Variants in ZSWIM5 observed in about 807,000 individuals in gnomAD.
The protein encoded by ZSWIM5 is zinc finger SWIM-type containing 5.
In ZSWIM5, 55 loss-of-function variants were observed where a neutral mutation model predicts 119.6. The ratio of observed to expected loss-of-function variants is 0.46; its 90% CI spans 0.37 to 0.58. The LOEUF is 0.58. Among genes scored for constraint, ZSWIM5 ranks in the 20% least tolerant of loss-of-function variants. The probability of loss-of-function intolerance (pLI) is 0.00; values close to 1 mark genes in which losing one functional copy is unlikely to be tolerated. For missense variants in ZSWIM5, 1,193 were observed against 1,512.8 expected (o/e 0.79, Z 3.51); for synonymous variants, 537 against 606.9 (o/e 0.88, Z 1.69).
chr1:45,045,182 G>A (rs952672053), intron 5 of ZSWIM5, among the ~76,000 whole-genome samples: 8 of 151,892 alleles, frequency 5.3e-5, no homozygotes, highest in African/African-American at 1.9e-4. Context: ...AAGATATCTT[G>A]CCACAAACCA....
intron 1 of ZSWIM5, among the ~76,000 whole-genome samples, chr1:45,183,260 G>A (rs1212627472): frequency 7.3e-5 from 11 of 149,898 alleles, no homozygotes; most frequent in Admixed American, 2.0e-4. Flanking sequence ...TGTGTAGAGG[G>A]AAATTTATAG....
intron 1 of ZSWIM5, among the ~76,000 whole-genome samples, chr1:45,180,502 A>G (rs1258960632): frequency 6.6e-6 from 1 of 152,176 alleles, no homozygotes; most frequent in South Asian, 2.1e-4. Context: ...CTCTGGGGGC[A>G]GGGCACAGAC....
chr1:45,148,883 C>G (rs187216930), intron 1 of ZSWIM5, among the ~76,000 whole-genome samples: 1 of 152,188 alleles, frequency 6.6e-6, no homozygotes, highest in Non-Finnish European at 1.5e-5. Context: ...AATATTCATA[C>G]TAATTTTTTT....
chr1:45,092,456 C>A (rs1003933322), intron 1 of ZSWIM5, among the ~76,000 whole-genome samples: 6 of 149,516 alleles, frequency 4.0e-5, no homozygotes, highest in African/African-American at 1.5e-4. Context: ...GCCAACACAC[C>A]TGGCTACTTT....
rs778278510 is a variant in ZSWIM5 at position 45,060,190 on chromosome 1, T to C, written c.1010A>G (p.Asp337Gly). 27 of 1,614,052 alleles carry C rather than the reference T, an allele frequency of 1.7e-5. No individual in the cohort carries two copies. Among genetic ancestry groups the C allele is most frequent in the Admixed American group, 8.3e-5 (5 of 60,002 alleles). The change falls in exon 3 of 14, where the codon GAT becomes GGT. Residue 337 changes from aspartate (D) to glycine (G), a missense_variant. Asp to Gly is a moderately conservative substitution (Grantham distance 94, BLOSUM62 -1). Coordinates refer to ENST00000359600, the MANE Select transcript of ZSWIM5 (RefSeq NM_020883.2). ...SIDDENCWHL[D>G]EEQVKEQVKL... ...CACTTGTTCTTTCACCTGTTCTTCA[T>C]CCAAATGCCAACAGTTCTCATCGTC...
chr1:45,180,249 C>A (rs563217259), intron 1 of ZSWIM5, among the ~76,000 whole-genome samples: 1 of 152,168 alleles, frequency 6.6e-6, no homozygotes, highest in African/African-American at 2.4e-5. Flanking sequence ...GCTTTTCCGA[C>A]GGGCTTAGGA....
chr1:45,119,356 T>C (rs531693875), intron 1 of ZSWIM5, among the ~76,000 whole-genome samples: 6 of 152,158 alleles, frequency 3.9e-5, no homozygotes, highest in Non-Finnish European at 7.3e-5. Flanking sequence ...GAAATAATTA[T>C]AAAATCCACC....
rs1417497355 is a variant in ZSWIM5, at chr1:45,070,460, G to A, written c.953-10213C>T. 3.7e-6 allele frequency: 4 copies of A among 1,094,872 alleles called. No individual in the cohort carries two copies. In the African/African-American group the frequency reaches 4.7e-5, roughly 13 times the overall value. 67.8% of individuals were successfully genotyped at this position (1,094,872 alleles called of 1,614,324 possible). On this transcript the variant is annotated intron_variant, in intron 2 of 13. Transcript: ENST00000359600. ...TGGCAGCAAGGGCTGTTCTCCATAG[G>A]AATTTTATGTTCCAACAATTCTATT...
At chr1:45,086,561 C>T (rs936157834) in intron 2 of ZSWIM5, among the ~76,000 whole-genome samples, 2 of 152,046 alleles carry the variant, frequency 1.3e-5, no homozygotes, top group East Asian at 1.9e-4. Flanking sequence ...CATGTTCTCA[C>T]TCATAGGTGG....
chr1:45,183,627 G>A (rs1396727875), intron 1 of ZSWIM5, among the ~76,000 whole-genome samples: 1 of 152,192 alleles, frequency 6.6e-6, no homozygotes, highest in East Asian at 1.9e-4. Context: ...ACACCTCTAT[G>A]CAAATAAACT....
chr1:45,032,604 G>A (rs1225449835), intron 11 of ZSWIM5, among the ~76,000 whole-genome samples: 1 of 151,230 alleles, frequency 6.6e-6, no homozygotes. Flanking sequence ...TCGTGCCACA[G>A]CCTCCTGAGT....
intron 1 of ZSWIM5, among the ~76,000 whole-genome samples, chr1:45,140,420 A>G (rs1022248275): frequency 2.0e-5 from 3 of 152,198 alleles, no homozygotes; most frequent in African/African-American, 7.2e-5. Flanking sequence ...ACACTCTCAA[A>G]TATGCACAAA....
chr1:45,157,109 AG>A (rs1375386578), intron 1 of ZSWIM5, among the ~76,000 whole-genome samples: 4 of 152,154 alleles, frequency 2.6e-5, no homozygotes, highest in African/African-American at 9.7e-5. Context: ...TGCCTATTTT[AG>A]AACTTCATAC....
chr1:45,117,168 G>C (rs1645563464), intron 1 of ZSWIM5, among the ~76,000 whole-genome samples: 1 of 152,190 alleles, frequency 6.6e-6, no homozygotes, highest in Non-Finnish European at 1.5e-5. Flanking sequence ...ACCCGAATCA[G>C]AAGGAGCAAG....
At chr1:45,184,179 C>A (rs1053978803) in intron 1 of ZSWIM5, among the ~76,000 whole-genome samples, 1 of 152,106 alleles carries the variant, frequency 6.6e-6, no homozygotes, top group Non-Finnish European at 1.5e-5. Context: ...GCAGAAAAGG[C>A]CTTTGACAAA....
chr1:45,154,393 G>A (rs1645814962), intron 1 of ZSWIM5, among the ~76,000 whole-genome samples: 1 of 152,094 alleles, frequency 6.6e-6, no homozygotes, highest in Non-Finnish European at 1.5e-5. Context: ...ATAAAAATAG[G>A]CACAAAGACT....
At chr1:45,092,232 CACTT>C (rs1645369998) in intron 1 of ZSWIM5, among the ~76,000 whole-genome samples, 2 of 152,262 alleles carry the variant, frequency 1.3e-5, no homozygotes, top group South Asian at 4.1e-4. Context: ...TGCATTAACA[CACTT>C]AATTGTCACA....
chr1:45,079,226 G>A (rs990290494), intron 2 of ZSWIM5, among the ~76,000 whole-genome samples: 3 of 149,696 alleles, frequency 2.0e-5, no homozygotes, highest in Admixed American at 6.7e-5. Context: ...CTTATAAAAC[G>A]GCCCCACCCC....
chr1:45,179,747 T>C (rs971989088), intron 1 of ZSWIM5, among the ~76,000 whole-genome samples: 5 of 152,164 alleles, frequency 3.3e-5, no homozygotes, highest in African/African-American at 1.2e-4. Flanking sequence ...TCACCAAATA[T>C]GTCCACACCC....
Sources: allele counts gnomAD v4.1 joint callset (sites outside exome capture counted in the v4.1 genomes callset), GRCh38; gene constraint gnomAD v4.1.1; transcripts MANE v1.5; gene names NCBI Gene and HGNC (gene_info 2026-07-23, HGNC 2026-07-21).